Variants in CHRNA7 observed in about 807,000 individuals in gnomAD.
CHRNA7 encodes neuronal acetylcholine receptor subunit alpha-7.
In CHRNA7, 17 loss-of-function variants were observed where a neutral mutation model predicts 48.0. That is an observed-to-expected ratio of 0.35 (90% confidence interval 0.24 to 0.53). CHRNA7 has a LOEUF of 0.53. Ranked by LOEUF, CHRNA7 falls within the 20% of genes least tolerant of loss-of-function variation. CHRNA7 has a pLI of 0.92. For missense variants in CHRNA7, 155 were observed against 577.7 expected (o/e 0.27, Z 7.50); for synonymous variants, 75 against 242.3 (o/e 0.31, Z 6.41).
At chr15:32,103,887 C>T (rs914171102) in intron 3 of CHRNA7, among the ~76,000 whole-genome samples, 2 of 152,208 alleles carry the variant, frequency 1.3e-5, no homozygotes, top group Non-Finnish European at 2.9e-5. Flanking sequence ...TCTGATACAT[C>T]AACAAATCCT....
At chr15:32,080,678 C>T (rs537681884) in intron 2 of CHRNA7, among the ~76,000 whole-genome samples, 1 of 152,270 alleles carries the variant, frequency 6.6e-6, no homozygotes, top group East Asian at 1.9e-4. Context: ...AATAGGAATG[C>T]TTGTATTCTG....
At position 32,078,662 on chromosome 15, in the gene CHRNA7, CAA is replaced by C. The variant is rs71113442; in HGVS notation, c.196-22625_196-22624del. 5.1e-3 allele frequency among the ~76,000 whole-genome samples: 507 copies of C among 99,384 alleles called. 3 individuals carry two copies. Among genetic ancestry groups the C allele is most frequent in the African/African-American group, 0.017 (468 of 27,306 alleles). 65.2% of individuals were successfully genotyped at this position (99,384 alleles called of 152,430 possible). ...GAGGCAGTAATAAAAGCCTACCAAC[CAA>C]AAAAAAAAAAAAAAAGCCCAGGACC... On this transcript the variant is annotated intron_variant, in intron 2 of 9. Coordinates refer to ENST00000306901, the MANE Select transcript of CHRNA7 (RefSeq NM_000746.6).
chr15:32,053,946 C>T, intron 2 of CHRNA7, among the ~76,000 whole-genome samples: 1 of 152,206 alleles, frequency 6.6e-6, no homozygotes, highest in Non-Finnish European at 1.5e-5. Flanking sequence ...TAATGAATGC[C>T]ACCTGTGAGA....
intron 2 of CHRNA7, among the ~76,000 whole-genome samples, chr15:32,044,778 G>T (rs965545967): frequency 1.3e-5 from 2 of 152,176 alleles, no homozygotes; most frequent in Non-Finnish European, 2.9e-5. Context: ...GACACTTACA[G>T]GGAAGAGGCT....
intron 4 of CHRNA7, among the ~76,000 whole-genome samples, chr15:32,144,183 G>T (rs892502553): frequency 6.6e-6 from 1 of 152,110 alleles, no homozygotes; most frequent in Admixed American, 6.5e-5. Flanking sequence ...TATGAAGCTT[G>T]GTTTGGCTGG....
intron 4 of CHRNA7, among the ~76,000 whole-genome samples, chr15:32,152,976 G>A (rs192571059): frequency 1.3e-5 from 2 of 152,214 alleles, no homozygotes; most frequent in Admixed American, 6.5e-5. Context: ...AACAGGGGAC[G>A]GAGAGGGGCA....
intron 3 of CHRNA7, 126 bp downstream of exon 3, chr15:32,101,473 A>T: frequency 9.9e-7 from 1 of 1,008,472 alleles, no homozygotes; most frequent in Non-Finnish European, 1.5e-6. Flanking sequence ...AAAAAACAAA[A>T]GGCCATGGCT....
chr15:32,153,082 T>C (rs984538035), intron 4 of CHRNA7, among the ~76,000 whole-genome samples: 2 of 152,046 alleles, frequency 1.3e-5, no homozygotes, highest in Non-Finnish European at 2.9e-5. Flanking sequence ...CCCTCTGGGG[T>C]TGTGGTGTCC....
At chr15:32,137,604 G>A (rs2051295347) in intron 4 of CHRNA7, among the ~76,000 whole-genome samples, 1 of 152,162 alleles carries the variant, frequency 6.6e-6, no homozygotes, top group Non-Finnish European at 1.5e-5. Context: ...GAACAACACA[G>A]TTAACAAGTC....
At chr15:32,152,842 A>G (rs1221017985) in intron 4 of CHRNA7, among the ~76,000 whole-genome samples, 3 of 152,216 alleles carry the variant, frequency 2.0e-5, no homozygotes, top group Admixed American at 6.5e-5. Context: ...ATGTCAACAC[A>G]TCAGAATCCA....
At chr15:32,140,900 T>A (rs1361820158) in intron 4 of CHRNA7, among the ~76,000 whole-genome samples, 2 of 152,242 alleles carry the variant, frequency 1.3e-5, no homozygotes, top group African/African-American at 2.4e-5. Context: ...TGGTTTCTTT[T>A]GCTGTGCAGA....
chr15:32,125,161 C>T (rs1297739484), intron 4 of CHRNA7, among the ~76,000 whole-genome samples: 4 of 150,656 alleles, frequency 2.7e-5, no homozygotes, highest in Admixed American at 1.3e-4. Context: ...ACGCAGCTGA[C>T]AAACTTTGAA....
intron 4 of CHRNA7, among the ~76,000 whole-genome samples, chr15:32,113,423 T>A (rs146347906): frequency 6.6e-6 from 1 of 152,188 alleles, no homozygotes; most frequent in Admixed American, 6.5e-5. Flanking sequence ...ACATGTGAGT[T>A]TGAGGGAGAT....
Position 32,070,669 on chromosome 15 carries a change from C to CTTTTTTTTTTTTTT in CHRNA7, c.196-30612_196-30599dup, listed in dbSNP as rs71113441. On this transcript the variant is annotated intron_variant, in intron 2 of 9. Transcript: ENST00000306901. ...TGTGTGAACATGTGAGGTTTAGTTCCTTTTTTTTTTTTTTTTTTTTTTTTT... is the reference window on the plus strand; with the variant it reads ...TGTGTGAACATGTGAGGTTTAGTTCCTTTTTTTTTTTTTTTTTTTTTTTTTTTTTTTTTTTTTTT... Among the ~76,000 whole-genome samples the CTTTTTTTTTTTTTT allele has an allele frequency of 1.5e-4, 6 of 40,894 alleles. 1 individual carries two copies. Among genetic ancestry groups the CTTTTTTTTTTTTTT allele is most frequent in the African/African-American group, 2.8e-4 (3 of 10,772 alleles). 26.8% of individuals were successfully genotyped at this position (40,894 alleles called of 152,430 possible).
chr15:32,101,561 A>G, intron 3 of CHRNA7: 1 of 553,480 alleles, frequency 1.8e-6, no homozygotes. Context: ...ACACATGCAC[A>G]AGATCAACAC....
chr15:32,085,820 A>G (rs2050286277), intron 2 of CHRNA7, among the ~76,000 whole-genome samples: 1 of 152,182 alleles, frequency 6.6e-6, no homozygotes. Context: ...TTAGATTCCA[A>G]AGTTGAAGTC....
intron 5 of CHRNA7, chr15:32,156,329 A>G (rs947995243): frequency 7.7e-5 from 4 of 51,626 alleles, no homozygotes; most frequent in Non-Finnish European, 1.5e-4. Flanking sequence ...ATTCCTATAA[A>G]CATTTCATGT....
At chr15:32,048,617 C>T (rs2049601853) in intron 2 of CHRNA7, among the ~76,000 whole-genome samples, 1 of 151,900 alleles carries the variant, frequency 6.6e-6, no homozygotes, top group African/African-American at 2.4e-5. Flanking sequence ...TTTCAAAAAA[C>T]CAGCTCCTGG....
chr15:32,137,048 A>AAAG (rs1421618879), intron 4 of CHRNA7, among the ~76,000 whole-genome samples: 2 of 146,092 alleles, frequency 1.4e-5, no homozygotes, highest in African/African-American at 2.5e-5. Context: ...AAAAAAAAAG[A>AAAG]AAAAAAAAAG....
Sources: allele counts gnomAD v4.1 joint callset (sites outside exome capture counted in the v4.1 genomes callset), GRCh38; gene constraint gnomAD v4.1.1; transcripts MANE v1.5; gene names NCBI Gene and HGNC (gene_info 2026-07-23, HGNC 2026-07-21).